Variants in ARHGAP33 observed in about 807,000 individuals in gnomAD.
ARHGAP33 encodes Rho GTPase activating protein 33, also known as rho GTPase-activating protein 33.
A neutral mutation model predicts 126.2 loss-of-function variants in ARHGAP33; 57 were observed. The ratio of observed to expected loss-of-function variants is 0.45; its 90% confidence interval spans 0.36 to 0.56. The LOEUF (loss-of-function observed/expected upper bound fraction) is 0.56. Ranked by LOEUF, ARHGAP33 falls within the 20% of genes least tolerant of loss-of-function variation. The pLI is 0.00. For synonymous variants in ARHGAP33, 711 were observed against 755.0 expected (o/e 0.94, Z 0.95); for missense variants, 1,500 against 1,748.3 (o/e 0.86, Z 2.53).
At chr19:35,783,898 G>A (rs1448048320) in intron 15 of ARHGAP33, among the ~76,000 whole-genome samples, 3 of 149,922 alleles carry the variant, frequency 2.0e-5, no homozygotes. Context: ...GGGGGGCAGT[G>A]GAGGGGGTGA....
Position 35,782,310 on chromosome 19 carries a change from C to T in ARHGAP33, c.1086-63C>T. ...CACTTGGGGGTAGGGGCAAGGGGAG[C>T]ATGGCCACGTGAGCGAGCCCCTCTG... On this transcript the variant is annotated intron_variant, in intron 12 of 20. Coordinates refer to ENST00000007510, the MANE Select transcript of ARHGAP33 (RefSeq NM_001366178.1). This position sits in a 1 kb window ranked among gnomAD's most constrained non-coding sequence, Gnocchi z 4.1. The T allele has an allele frequency of 6.4e-7, 1 of 1,555,092 alleles. No individual in the cohort carries two copies.
At position 35,782,998 on chromosome 19, in the gene ARHGAP33, G is replaced by A. The variant is rs867086202; in HGVS notation, c.1421+129G>A. The A allele has an allele frequency of 2.4e-5, 19 of 795,542 alleles. No homozygotes were observed. Among genetic ancestry groups the A allele is most frequent in the African/African-American group, 6.9e-5 (4 of 58,372 alleles). The allele number at this position is 795,542 out of a possible 1,614,324, so 49.3% of individuals were successfully genotyped here. ...AAATACCTCCCATGGACCTGGCCCCGTCCCTAGCACTGGGGACCCAGCACT... is the reference window on the plus strand; with the variant it reads ...AAATACCTCCCATGGACCTGGCCCCATCCCTAGCACTGGGGACCCAGCACT... On this transcript the variant is annotated intron_variant, in intron 15 of 20. Transcript: ENST00000007510. This position sits in a 1 kb window ranked among gnomAD's most constrained non-coding sequence, Gnocchi z 4.1.
chr19:35,778,998 C>T lies in ARHGAP33; in HGVS notation c.409-34C>T, dbSNP rs568132967. ...AGGGCAGTGGGCTCTCTCACGTCCA[C>T]TCACAGAGGCCCACTCTGACAACCT... On this transcript the variant is annotated intron_variant, in intron 5 of 20. Coordinates refer to ENST00000007510, the MANE Select transcript of ARHGAP33 (RefSeq NM_001366178.1). 6 of 1,534,118 alleles carry T rather than the reference C, an allele frequency of 3.9e-6. No homozygotes were observed. The African/African-American group carries it at 5.5e-5, about 14-fold the overall frequency.
intron 6 of ARHGAP33, chr19:35,779,943 A>G (rs528948870): frequency 8.8e-6 from 5 of 571,032 alleles, no homozygotes; most frequent in African/African-American, 1.9e-5. Context: ...TGGATGGGGA[A>G]GCCTTCAGGT....
intron 7 of ARHGAP33, 40 bp downstream of exon 7, chr19:35,780,373 C>A (rs1971690552): frequency 6.2e-7 from 1 of 1,611,856 alleles, no homozygotes; most frequent in Non-Finnish European, 8.5e-7. Flanking sequence ...GGGCTCCCCA[C>A]ACCCCCTGCT....
Position 35,782,219 on chromosome 19 carries a change from A to G in ARHGAP33, c.1086-154A>G, listed in dbSNP as rs1040939485. Reference sequence around the variant, plus strand: ...GCCACACAGGCTTGCTGGGGAGTTCAGTAAGGTTCTGCCTCTGAAGAGCCC... The same window carrying G: ...GCCACACAGGCTTGCTGGGGAGTTCGGTAAGGTTCTGCCTCTGAAGAGCCC... On this transcript the variant is annotated intron_variant, in intron 12 of 20. Transcript: ENST00000007510. This position sits in a 1 kb window ranked among gnomAD's most constrained non-coding sequence, Gnocchi z 4.1. Among the ~76,000 whole-genome samples the G allele has an allele frequency of 1.3e-5, 2 of 152,118 alleles. No homozygotes were observed. The highest frequency in any genetic ancestry group is 2.4e-5 in the African/African-American group (1 of 41,402).
At position 35,780,909 on chromosome 19, in the gene ARHGAP33, T is replaced by G. The variant is rs1312587515; in HGVS notation, c.830-11T>G. The G allele has an allele frequency of 1.2e-6, 2 of 1,609,884 alleles. No homozygotes were observed. The highest frequency in any genetic ancestry group is 1.1e-5 in the South Asian group (1 of 91,058). Reference sequence around the variant, plus strand: ...AGACCTGCCTTTGCCCTTTGCCCCTTGCCCCCACAGCTGTGCCACGGCCTC... The same window carrying G: ...AGACCTGCCTTTGCCCTTTGCCCCTGGCCCCCACAGCTGTGCCACGGCCTC... On this transcript the variant is annotated splice_polypyrimidine_tract_variant and intron_variant, in intron 10 of 20. Coordinates refer to ENST00000007510, the MANE Select transcript of ARHGAP33 (RefSeq NM_001366178.1).
In ARHGAP33 at chr19:35,783,534, C is replaced by T. The variant is rs894132809; in HGVS notation, c.1422-638C>T. Reference sequence around the variant, plus strand: ...CGTGGGGAGTGACAGGCTGAGGGAACGGCAGGTGCAGACATCTGGGCCTGG... The same window carrying T: ...CGTGGGGAGTGACAGGCTGAGGGAATGGCAGGTGCAGACATCTGGGCCTGG... On this transcript the variant is annotated intron_variant, in intron 15 of 20. Coordinates refer to ENST00000007510, the MANE Select transcript of ARHGAP33 (RefSeq NM_001366178.1). Among the ~76,000 whole-genome samples, 12 of 152,078 alleles carry T rather than the reference C, an allele frequency of 7.9e-5. No individual in the cohort carries two copies. In the South Asian group the frequency reaches 8.3e-4, roughly 11 times the overall value.
intron 1 of ARHGAP33, 88 bp from the exon 2 acceptor site, chr19:35,777,557 G>A (rs1207757216): frequency 9.0e-7 from 1 of 1,114,116 alleles, no homozygotes; most frequent in Non-Finnish European, 1.3e-6. Context: ...GAGCGCCCGG[G>A]GCTCTGGACC....
chr19:35,778,033 C>A, intron 3 of ARHGAP33, 125 bp downstream of exon 3: 3 of 1,161,690 alleles, frequency 2.6e-6, no homozygotes, highest in African/African-American at 1.5e-5. Context: ...TCTGAGCAGT[C>A]AGTAGCAAAA....
Position 35,786,294 on chromosome 19 carries a change from C to A in ARHGAP33, c.1943-119C>A. Reference sequence around the variant, plus strand: ...TCCACTGTCAATCTGAACAGCTCTTCCTGGCTTCACACTACTGTGGCCCTC... The same window carrying A: ...TCCACTGTCAATCTGAACAGCTCTTACTGGCTTCACACTACTGTGGCCCTC... On this transcript the variant is annotated intron_variant, in intron 19 of 20. Coordinates refer to ENST00000007510, the MANE Select transcript of ARHGAP33 (RefSeq NM_001366178.1). The surrounding 1 kb of genome is among the most constrained non-coding windows in gnomAD (Gnocchi z 7.0). 3 of 1,436,902 alleles carry A rather than the reference C, an allele frequency of 2.1e-6. No homozygotes were observed. Among genetic ancestry groups the A allele is most frequent in the Non-Finnish European group, 2.7e-6 (3 of 1,099,948 alleles). The allele number at this position is 1,436,902 out of a possible 1,614,324, so 89.0% of individuals were successfully genotyped here.
intron 16 of ARHGAP33, 127 bp from the exon 17 acceptor site, chr19:35,784,826 C>G (rs377657619): frequency 1.2e-5 from 17 of 1,400,074 alleles, no homozygotes; most frequent in Non-Finnish European, 1.6e-5. Flanking sequence ...TGATCCGCCC[C>G]GGCCCCCTGC....
At chr19:35,778,008 T>C (rs150348251) in intron 3 of ARHGAP33, 100 bp downstream of exon 3, 3 of 1,414,322 alleles carry the variant, frequency 2.1e-6, no homozygotes, top group Non-Finnish European at 3.0e-6. Context: ...TCCCTGTGAC[T>C]GGCTGCTGCA....
chr19:35,783,000 C>T lies in ARHGAP33; in HGVS notation c.1421+131C>T, dbSNP rs1210571412. ...ATACCTCCCATGGACCTGGCCCCGTCCCTAGCACTGGGGACCCAGCACTGA... is the reference window on the plus strand; with the variant it reads ...ATACCTCCCATGGACCTGGCCCCGTTCCTAGCACTGGGGACCCAGCACTGA... On this transcript the variant is annotated intron_variant, in intron 15 of 20. Coordinates refer to ENST00000007510, the MANE Select transcript of ARHGAP33 (RefSeq NM_001366178.1). This position sits in a 1 kb window ranked among gnomAD's most constrained non-coding sequence, Gnocchi z 4.1. 9.1e-6 allele frequency: 7 copies of T among 772,168 alleles called. No individual in the cohort carries two copies. Among genetic ancestry groups the T allele is most frequent in the Non-Finnish European group, 1.5e-5 (7 of 476,668 alleles). The allele number at this position is 772,168 out of a possible 1,614,324, so 47.8% of individuals were successfully genotyped here. A position where few individuals can be genotyped will look rare whatever the true frequency, so the allele number is the denominator to read the frequency against.
rs949974779 is a variant in ARHGAP33, at chr19:35,786,291, C to T, written c.1943-122C>T. 6 of 1,436,592 alleles carry T rather than the reference C, an allele frequency of 4.2e-6. No individual in the cohort carries two copies. Among genetic ancestry groups the T allele is most frequent in the African/African-American group, 1.4e-5 (1 of 69,722 alleles). 89.0% of individuals were successfully genotyped at this position (1,436,592 alleles called of 1,614,324 possible). On this transcript the variant is annotated intron_variant, in intron 19 of 20. Coordinates refer to ENST00000007510, the MANE Select transcript of ARHGAP33 (RefSeq NM_001366178.1). The surrounding 1 kb of genome is among the most constrained non-coding windows in gnomAD (Gnocchi z 7.0). ...GTCTCCACTGTCAATCTGAACAGCT[C>T]TTCCTGGCTTCACACTACTGTGGCC...
chr19:35,775,693 T>C, intron 1 of ARHGAP33, 29 bp downstream of exon 1: 2 of 1,534,520 alleles, frequency 1.3e-6, no homozygotes, highest in Non-Finnish European at 1.7e-6. Flanking sequence ...CGTCAGCCTG[T>C]CCGTCCGGAT....
At chr19:35,780,540 G>T in intron 8 of ARHGAP33, 42 bp downstream of exon 8, 2 of 1,612,650 alleles carry the variant, frequency 1.2e-6, no homozygotes, top group Non-Finnish European at 1.7e-6. Context: ...TGGGGTACCT[G>T]CCAACTGGGG....
At chr19:35,778,021 C>T (rs807491) in intron 3 of ARHGAP33, 113 bp downstream of exon 3, 517,823 of 1,262,520 alleles carry the variant, frequency 0.41, 111,809 homozygotes, top group African/African-American at 0.64. Context: ...CTGCTGCACG[C>T]GTCTGAGCAG....
In ARHGAP33 at chr19:35,787,791, C is replaced by T. The variant is rs774837717; in HGVS notation, c.3226C>T (p.Pro1076Ser). 1 of 1,597,340 alleles carries T rather than the reference C, an allele frequency of 6.3e-7. No homozygotes were observed. Among genetic ancestry groups the T allele is most frequent in the Non-Finnish European group, 8.5e-7 (1 of 1,173,956 alleles). Reference protein sequence around the residue: ...APVWRSSLGPPAPLDRGENLY... With the variant: ...APVWRSSLGPSAPLDRGENLY... The stretch of plus-strand genomic sequence containing the variant: ...AGTCTGGAGGAGCTCTCTGGGCCCC[C>T]CTGCACCACTCGACAGGGGAGAGAA... Residue 1076 changes from proline to serine, a missense_variant, in exon 21 of 21, where the codon CCT (proline) becomes TCT (serine). Coordinates refer to ENST00000007510, the MANE Select transcript of ARHGAP33 (RefSeq NM_001366178.1).
Sources: gnomAD v4.1 joint callset for allele counts (sites outside exome capture counted in the v4.1 genomes callset) on GRCh38, gnomAD v4.1.1 for gene constraint, Gnocchi (gnomAD v3.1) non-coding constraint, MANE v1.5 for transcripts, NCBI Gene and HGNC (gene_info 2026-07-23, HGNC 2026-07-21) for gene names.